Variants in MMS19 observed in about 807,000 individuals in gnomAD.
MMS19 encodes the protein MMS19 cytosolic iron-sulfur assembly component.
In MMS19, 77 loss-of-function variants were observed where a neutral mutation model predicts 129.8. The observed-to-expected ratio is 0.59, with a 90% CI of 0.49 to 0.72. MMS19 has a LOEUF of 0.72. MMS19 is among the 30% of genes least tolerant of loss of function. MMS19 has a pLI of 0.00. For synonymous variants in MMS19, 491 were observed against 502.8 expected (o/e 0.98, Z 0.31); for missense variants, 1,168 against 1,266.3 (o/e 0.92, Z 1.18).
In MMS19 at chr10:97,486,829, A is replaced by C. The variant is rs547241513; in HGVS notation, c.113-2678T>G. ...AAAAACACTAACAGAATACTTTTGG[A>C]AACTAGATAAGCTTATCCTGAAATT... On this transcript the variant is annotated intron_variant, in intron 1 of 30. Transcript: ENST00000438925. Among the ~76,000 whole-genome samples the C allele has an allele frequency of 2.3e-4, 32 of 138,066 alleles. 4 individuals are homozygous for C. Among genetic ancestry groups the C allele is most frequent in the African/African-American group, 7.9e-4 (30 of 38,074 alleles). 90.6% of individuals were successfully genotyped at this position (138,066 alleles called of 152,430 possible).
intron 1 of MMS19, among the ~76,000 whole-genome samples, chr10:97,486,504 A>C (rs2037868374): frequency 6.6e-6 from 1 of 152,192 alleles, no homozygotes. Flanking sequence ...TTGGGACAAC[A>C]CAAATGAACC....
chr10:97,467,694 C>T (rs2033800278), intron 13 of MMS19, 111 bp from the exon 14 acceptor site: 1 of 981,628 alleles, frequency 1.0e-6, no homozygotes, highest in South Asian at 1.5e-5. Context: ...GGGGGTTTTG[C>T]TATGCCACAG....
At chr10:97,480,364 A>G (rs1417011172) in intron 3 of MMS19, 1 of 445,606 alleles carries the variant, frequency 2.2e-6, no homozygotes, top group Non-Finnish European at 4.5e-6. Context: ...GCTCCTTAAA[A>G]CCAAAAAAAC....
In MMS19 at chr10:97,458,511, TC is replaced by T. The variant is rs889162890; in HGVS notation, c.*180del. 4 of 619,834 alleles carry T rather than the reference TC, an allele frequency of 6.5e-6. No homozygotes were observed. The Admixed American group carries it at 1.2e-4, about 19-fold the overall frequency. The allele number at this position is 619,834 out of a possible 1,614,324, so 38.4% of individuals were successfully genotyped here. A position where few individuals can be genotyped will look rare whatever the true frequency, so the allele number is the denominator to read the frequency against. On this transcript the variant is annotated 3_prime_UTR_variant, in exon 31 of 31. Transcript: ENST00000438925. The stretch of plus-strand genomic sequence containing the variant: ...GTCTCACACACACTTATTTTACAAA[TC>T]CACTAGAAATATGGACTCTTATGTT...
In MMS19 at chr10:97,476,958, T is replaced by A; in HGVS notation, c.499A>T (p.Lys167Ter). The A allele has an allele frequency of 6.2e-7, 1 of 1,613,828 alleles. No homozygotes were observed. The highest frequency in any genetic ancestry group is 1.1e-5 in the South Asian group (1 of 91,080). ...AAGGTGAAGTCAGCTCCTAGGCTCTTTAGCTCTGGGAAGGAGAGAATAAGG... is the reference window on the plus strand; with the variant it reads ...AAGGTGAAGTCAGCTCCTAGGCTCTATAGCTCTGGGAAGGAGAGAATAAGG... Reference protein sequence around the residue: ...NFMRTREEELKSLGADFTFGF... With the variant: ...NFMRTREEEL Residue 167 changes from lysine to a stop codon, truncating the protein, a stop_gained, in exon 7 of 31, where the codon AAG becomes TAG. Coordinates refer to ENST00000438925, the MANE Select transcript of MMS19 (RefSeq NM_022362.5). LOFTEE classifies it high-confidence loss of function.
At chr10:97,465,212 G>C (rs1296904552) in intron 18 of MMS19, among the ~76,000 whole-genome samples, 1 of 148,858 alleles carries the variant, frequency 6.7e-6, no homozygotes, top group Non-Finnish European at 1.5e-5. Flanking sequence ...ATGTTGGTCA[G>C]GCTGGTCTCA....
chr10:97,468,911 G>C, intron 12 of MMS19, 55 bp downstream of exon 12: 1 of 1,540,880 alleles, frequency 6.5e-7, no homozygotes, highest in Non-Finnish European at 8.7e-7. Flanking sequence ...ACCCAGGCAA[G>C]GAATGTCGTT....
chr10:97,468,527 G>A (rs972284084), intron 12 of MMS19, 121 bp from the exon 13 acceptor site: 68 of 979,974 alleles, frequency 6.9e-5, no homozygotes, highest in Middle Eastern at 6.6e-4. Context: ...CACTCAAATT[G>A]TTTTCAATTC....
intron 1 of MMS19, among the ~76,000 whole-genome samples, chr10:97,493,635 G>C (rs918296767): frequency 3.3e-5 from 5 of 152,226 alleles, no homozygotes; most frequent in African/African-American, 9.6e-5. Context: ...GTTGGCATGA[G>C]AAAGAAGTAA....
At chr10:97,461,406 G>T in intron 23 of MMS19, 90 bp downstream of exon 23, 1 of 1,454,232 alleles carries the variant, frequency 6.9e-7, no homozygotes, top group Non-Finnish European at 9.4e-7. Flanking sequence ...TTATTAGCAA[G>T]CTCCTTTTAA....
chr10:97,488,620 A>G (rs1178018440), intron 1 of MMS19, among the ~76,000 whole-genome samples: 1 of 152,260 alleles, frequency 6.6e-6, no homozygotes, highest in Admixed American at 6.5e-5. Flanking sequence ...TACTTAATAC[A>G]ATCTAAGTGC....
At chr10:97,494,549 T>A (rs149669451) in intron 1 of MMS19, among the ~76,000 whole-genome samples, 116 of 152,324 alleles carry the variant, frequency 7.6e-4, no homozygotes, top group African/African-American at 2.7e-3. Context: ...ATTTTACTGT[T>A]CTTTAATACT....
intron 10 of MMS19, 80 bp downstream of exon 10, chr10:97,470,049 G>T: frequency 2.0e-6 from 2 of 1,015,594 alleles, no homozygotes; most frequent in Non-Finnish European, 3.0e-6. Context: ...CTGTTCCTTG[G>T]CTATCCTAGA....
At chr10:97,492,816 G>A (rs965348124) in intron 1 of MMS19, among the ~76,000 whole-genome samples, 11 of 143,002 alleles carry the variant, frequency 7.7e-5, no homozygotes, top group Non-Finnish European at 1.1e-4. Flanking sequence ...CCAAGATCGC[G>A]CCACTGCACA....
At position 97,461,511 on chromosome 10, in the gene MMS19, TGAG is replaced by T; in HGVS notation, c.2293_2295del (p.Leu765del). The T allele has an allele frequency of 6.2e-7, 1 of 1,606,444 alleles. No homozygotes were observed. Among genetic ancestry groups the T allele is most frequent in the Non-Finnish European group, 8.5e-7 (1 of 1,176,500 alleles). On this transcript the variant is annotated inframe_deletion, in exon 23 of 31. Coordinates refer to ENST00000438925, the MANE Select transcript of MMS19 (RefSeq NM_022362.5). The stretch of plus-strand genomic sequence containing the variant: ...ATCTCAGTACCTGCAGGGTGCTTGT[TGAG>T]GAGTCCTGCAAAGCACTTGGCAGCA...
At chr10:97,467,751 C>A in intron 13 of MMS19, 168 bp from the exon 14 acceptor site, 1 of 621,774 alleles carries the variant, frequency 1.6e-6, no homozygotes, top group Non-Finnish European at 2.8e-6. Flanking sequence ...GCAGCCCCGA[C>A]CTCCTAGGTT....
upstream of MMS19, chr10:97,498,692 G>T (rs1482776549): frequency 2.4e-6 from 1 of 409,954 alleles, no homozygotes; most frequent in Middle Eastern, 6.6e-4. Flanking sequence ...GGGGCGGTAC[G>T]CACCACGGGG....
At chr10:97,492,542 C>T (rs945224370) in intron 1 of MMS19, among the ~76,000 whole-genome samples, 3 of 148,448 alleles carry the variant, frequency 2.0e-5, no homozygotes, top group African/African-American at 5.0e-5. Flanking sequence ...ATTACAAGAC[C>T]GTAAAAAAAA....
chr10:97,474,433 A>G (rs949958582), intron 8 of MMS19, among the ~76,000 whole-genome samples: 1 of 152,120 alleles, frequency 6.6e-6, no homozygotes, highest in Non-Finnish European at 1.5e-5. Flanking sequence ...CTGTAATCCC[A>G]GCTATTCAGG....
Sources: allele counts gnomAD v4.1 joint callset (sites outside exome capture counted in the v4.1 genomes callset), GRCh38; gene constraint gnomAD v4.1.1; transcripts MANE v1.5; gene names NCBI Gene and HGNC (gene_info 2026-07-23, HGNC 2026-07-21).